Variants in COL4A4 observed in about 807,000 individuals in gnomAD.
COL4A4 encodes the protein collagen alpha-4(IV) chain.
In COL4A4, 105 loss-of-function variants were observed where a neutral mutation model predicts 192.9. The ratio of observed to expected loss-of-function variants is 0.54; its 90% CI spans 0.46 to 0.64. The LOEUF is 0.64. Ranked by LOEUF, COL4A4 falls within the 30% of genes least tolerant of loss-of-function variation. COL4A4 has a pLI of 0.00. For synonymous variants in COL4A4, 762 were observed against 769.9 expected, an observed-to-expected ratio of 0.99 and a Z score of 0.17; for missense variants, 1,967 against 2,169.3, an observed-to-expected ratio of 0.91 and a Z score of 1.85.
In COL4A4 at chr2:227,057,661, T is replaced by A. The variant is rs1975807179; in HGVS notation, c.2384-61A>T. The A allele has an allele frequency of 2.6e-6, 4 of 1,556,286 alleles. No homozygotes were observed. The African/African-American group carries it at 5.4e-5, about 21-fold the overall frequency. On this transcript the variant is annotated intron_variant, in intron 28 of 47. Coordinates refer to ENST00000396625, the MANE Select transcript of COL4A4 (RefSeq NM_000092.5). Reference sequence around the variant, plus strand: ...AAAAAACTATACAGATGGCCCATGATGAATTGTTCACGCATATCAATACTG... The same window carrying A: ...AAAAAACTATACAGATGGCCCATGAAGAATTGTTCACGCATATCAATACTG...
intron 28 of COL4A4, among the ~76,000 whole-genome samples, chr2:227,058,286 G>T (rs952498180): frequency 1.3e-5 from 2 of 152,098 alleles, no homozygotes; most frequent in Non-Finnish European, 2.9e-5. Context: ...GTGTGTGTGT[G>T]TCTGTCTTTG....
rs577581398 is a variant in COL4A4, at chr2:227,103,590, T to A, written c.816+382A>T. On this transcript the variant is annotated intron_variant, in intron 13 of 47. Coordinates refer to ENST00000396625, the MANE Select transcript of COL4A4 (RefSeq NM_000092.5). Reference sequence around the variant, plus strand: ...GGAATTAATATTTGCCAAGAATCTATTACGGCCCAGTTCTATGCATTTGTT... The same window carrying A: ...GGAATTAATATTTGCCAAGAATCTAATACGGCCCAGTTCTATGCATTTGTT... Among the ~76,000 whole-genome samples the A allele has an allele frequency of 2.0e-5, 3 of 152,328 alleles. No individual in the cohort carries two copies. The East Asian group carries it at 5.8e-4, about 29-fold the overall frequency.
chr2:227,134,120 G>A (rs1183326485), intron 4 of COL4A4, among the ~76,000 whole-genome samples: 1 of 152,002 alleles, frequency 6.6e-6, no homozygotes, highest in Non-Finnish European at 1.5e-5. Context: ...TAATTGCTAG[G>A]CACTGGGTTT....
rs187914214 is a variant in COL4A4 at position 227,045,606 on chromosome 2, C to A, written c.3289+1869G>T. ...CCAACATGACAAAACTCTGTCTCTACCAAAAATACAAAAATCAGCTGGTGT... is the reference window on the plus strand; with the variant it reads ...CCAACATGACAAAACTCTGTCTCTAACAAAAATACAAAAATCAGCTGGTGT... On this transcript the variant is annotated intron_variant, in intron 35 of 47. Coordinates refer to ENST00000396625, the MANE Select transcript of COL4A4 (RefSeq NM_000092.5). Among the ~76,000 whole-genome samples, 3 of 150,862 alleles carry A rather than the reference C, an allele frequency of 2.0e-5. No homozygotes were observed. In the East Asian group the frequency reaches 5.9e-4, roughly 30 times the overall value.
intron 20 of COL4A4, among the ~76,000 whole-genome samples, chr2:227,091,987 C>T (rs1388822765): frequency 2.6e-5 from 4 of 151,956 alleles, no homozygotes; most frequent in Non-Finnish European, 5.9e-5. Context: ...ATTAAAACTG[C>T]TTACTGACTG....
intron 20 of COL4A4, among the ~76,000 whole-genome samples, chr2:227,092,288 A>C (rs1204254568): frequency 1.3e-5 from 2 of 152,182 alleles, no homozygotes. Flanking sequence ...ATTTTCAGAC[A>C]AGCAAGATCT....
chr2:226,988,267 G>T, the COL4A4 span: 1 of 1,462,902 alleles, frequency 6.8e-7, no homozygotes, highest in Non-Finnish European at 9.2e-7. Context: ...AGGGCCCTGA[G>T]GAGGCCACTG....
intron 22 of COL4A4, among the ~76,000 whole-genome samples, chr2:227,087,024 G>A (rs1455765251): frequency 6.6e-6 from 1 of 152,114 alleles, no homozygotes; most frequent in Admixed American, 6.5e-5. Flanking sequence ...ATGGAAAAAA[G>A]TCCTTTGGGG....
rs928663375 is a variant in COL4A4 at position 227,099,590 on chromosome 2, T to G, written c.1099+30A>C. On this transcript the variant is annotated intron_variant, in intron 18 of 47. Transcript: ENST00000396625. The stretch of plus-strand genomic sequence containing the variant: ...CCACTCAACTCCTATTTCTGCATAA[T>G]TTATGGAGGAACTGAATAGGAACAC... 3 of 1,605,140 alleles carry G rather than the reference T, an allele frequency of 1.9e-6. No individual in the cohort carries two copies. The African/African-American group carries it at 4.0e-5, about 21-fold the overall frequency.
Position 227,007,412 on chromosome 2 carries a change from G to A in COL4A4, c.4986C>T (p.Ser1662=). The change falls in exon 48 of 48, where the codon TCC becomes TCT. Residue 1662 remains serine (S), a synonymous_variant. Transcript: ENST00000396625. ...TTAAGGTGTCTGGTGCTGGAGCAGA[G>A]GAAAACTGCAAGTCTGCTTTCACCG... The part of the protein sequence containing the change: ...LTTVKADLQF[S]SAPAPDTLKE... 6.2e-7 allele frequency: 1 copy of A among 1,614,218 alleles called. No homozygotes were observed. Among genetic ancestry groups the A allele is most frequent in the Non-Finnish European group, 8.5e-7 (1 of 1,180,038 alleles).
chr2:227,152,836 T>C (rs1241974656), intron 1 of COL4A4, among the ~76,000 whole-genome samples: 1 of 152,238 alleles, frequency 6.6e-6, no homozygotes, highest in African/African-American at 2.4e-5. Context: ...GGTGTCATCA[T>C]GTGGGAATAG....
chr2:226,990,420 T>C, the COL4A4 span, among the ~76,000 whole-genome samples: 3 of 152,198 alleles, frequency 2.0e-5, no homozygotes, highest in Non-Finnish European at 4.4e-5. Context: ...ATTGCCTCTT[T>C]AGCTCCCTAA....
chr2:227,136,037 T>A (rs1468417151), intron 4 of COL4A4, among the ~76,000 whole-genome samples: 1 of 152,190 alleles, frequency 6.6e-6, no homozygotes, highest in African/African-American at 2.4e-5. Flanking sequence ...ACCCCCAGTT[T>A]ACAAAGGGGA....
chr2:227,031,966 G>A lies in COL4A4; in HGVS notation c.3796C>T (p.Pro1266Ser), dbSNP rs267599226. The A allele has an allele frequency of 1.2e-6, 2 of 1,613,182 alleles. No homozygotes were observed. The highest frequency in any genetic ancestry group is 1.3e-5 in the African/African-American group (1 of 75,026). ...DPGPPGDQGP[P>S]GPDGPRGAPG... ...ATACCTCTTGGGCCATCAGGACCAG[G>A]AGGTCCCTGATCTCCAGGTGGACCC... The change falls in exon 40 of 48, where the codon CCT (proline) becomes TCT (serine). Residue 1266 changes from proline to serine, a missense_variant. Coordinates refer to ENST00000396625, the MANE Select transcript of COL4A4 (RefSeq NM_000092.5).
chr2:226,979,650 G>A, the COL4A4 span, among the ~76,000 whole-genome samples: 7 of 152,208 alleles, frequency 4.6e-5, no homozygotes, highest in Non-Finnish European at 7.3e-5. Context: ...TCTACCGTCT[G>A]CCCTGTTCTA....
At chr2:227,067,685 A>G (rs1293968991) in intron 25 of COL4A4, among the ~76,000 whole-genome samples, 2 of 152,196 alleles carry the variant, frequency 1.3e-5, no homozygotes, top group African/African-American at 4.8e-5. Context: ...CAAAGACACA[A>G]CATACCAGAA....
intron 1 of COL4A4, among the ~76,000 whole-genome samples, chr2:227,161,608 G>C (rs1331139953): frequency 2.0e-5 from 3 of 152,182 alleles, no homozygotes; most frequent in Admixed American, 6.5e-5. Context: ...GGAATAGGTG[G>C]TTAAATGTGG....
intron 20 of COL4A4, among the ~76,000 whole-genome samples, chr2:227,092,989 T>C (rs1364490743): frequency 6.6e-6 from 1 of 152,152 alleles, no homozygotes; most frequent in Non-Finnish European, 1.5e-5. Context: ...TGATTGCCCT[T>C]GGAGAGGAAG....
intron 25 of COL4A4, among the ~76,000 whole-genome samples, chr2:227,077,141 A>G (rs959761364): frequency 1.3e-5 from 2 of 152,210 alleles, no homozygotes; most frequent in Non-Finnish European, 2.9e-5. Context: ...ATTACTAGGT[A>G]TATACCCAAA....
Sources: allele counts gnomAD v4.1 joint callset (sites outside exome capture counted in the v4.1 genomes callset), GRCh38; gene constraint gnomAD v4.1.1; transcripts MANE v1.5; gene names NCBI Gene and HGNC (gene_info 2026-07-23, HGNC 2026-07-21).